Variants in TTBK2 observed in about 807,000 individuals in gnomAD.
The protein encoded by TTBK2 is tau tubulin kinase 2.
Under a neutral mutation model 110.8 loss-of-function variants are expected in TTBK2, and 28 were observed. The ratio of observed to expected loss-of-function variants is 0.25; its 90% CI spans 0.19 to 0.35. The LOEUF (loss-of-function observed/expected upper bound fraction) is 0.35, where lower values mean the gene tolerates loss of function less well. TTBK2 is among the 10% of genes least tolerant of loss of function. The pLI is 1.00. For synonymous variants in TTBK2, 532 were observed against 527.3 expected (o/e 1.01, Z -0.12); for missense variants, 1,369 against 1,500.3 (o/e 0.91, Z 1.45).
At chr15:42,849,919 G>C (rs899968486) in intron 3 of TTBK2, among the ~76,000 whole-genome samples, 2 of 152,044 alleles carry the variant, frequency 1.3e-5, no homozygotes, top group African/African-American at 4.8e-5. Context: ...TTTCACTGGG[G>C]CTCCCCTTTT....
intron 13 of TTBK2, among the ~76,000 whole-genome samples, chr15:42,755,579 C>A (rs959159294): frequency 1.3e-5 from 2 of 152,184 alleles, no homozygotes; most frequent in Non-Finnish European, 2.9e-5. Context: ...TCAGGCTAAT[C>A]CAAGACAGGC....
intron 9 of TTBK2, chr15:42,801,802 T>C: frequency 1.2e-6 from 1 of 832,720 alleles, no homozygotes; most frequent in Middle Eastern, 2.2e-4. Flanking sequence ...CTTGTTCATG[T>C]AAGCTTCATC....
At chr15:42,909,033 C>T (rs2030587579) in intron 1 of TTBK2, among the ~76,000 whole-genome samples, 1 of 152,202 alleles carries the variant, frequency 6.6e-6, no homozygotes, top group Non-Finnish European at 1.5e-5. Flanking sequence ...GTCTGTGCTT[C>T]TACTGGGCTA....
intron 9 of TTBK2, chr15:42,800,195 T>C (rs1891125136): frequency 2.5e-6 from 1 of 407,900 alleles, no homozygotes; most frequent in South Asian, 1.8e-5. Flanking sequence ...TTCTAAAACT[T>C]TTATAATGAC....
intron 1 of TTBK2, among the ~76,000 whole-genome samples, chr15:42,891,731 G>A (rs1895464691): frequency 6.6e-6 from 1 of 152,044 alleles, no homozygotes; most frequent in East Asian, 1.9e-4. Context: ...TTTAAGTATA[G>A]CACTTTCATG....
chr15:42,912,441 T>C (rs1237702065), intron 1 of TTBK2, among the ~76,000 whole-genome samples: 4 of 152,236 alleles, frequency 2.6e-5, no homozygotes, highest in Non-Finnish European at 5.9e-5. Context: ...GCCTGATGGC[T>C]CACACATGTA....
intron 13 of TTBK2, among the ~76,000 whole-genome samples, chr15:42,774,836 T>C (rs1595896402): frequency 2.6e-5 from 4 of 152,314 alleles, no homozygotes; most frequent in Admixed American, 2.6e-4. Flanking sequence ...CTTCAAAAAA[T>C]TGTAACATAT....
intron 9 of TTBK2, among the ~76,000 whole-genome samples, chr15:42,807,386 A>T (rs1252911225): frequency 6.6e-6 from 1 of 152,072 alleles, no homozygotes; most frequent in Admixed American, 6.6e-5. Flanking sequence ...TATTTGTGTT[A>T]CCAGGATCAC....
chr15:42,819,757 AAG>A (rs1188756219), intron 6 of TTBK2, among the ~76,000 whole-genome samples: 2 of 152,228 alleles, frequency 1.3e-5, no homozygotes, highest in Admixed American at 1.3e-4. Context: ...AAAATTGTCT[AAG>A]AGAATATATG....
intron 1 of TTBK2, among the ~76,000 whole-genome samples, chr15:42,918,346 C>A (rs1025107819): frequency 1.3e-5 from 2 of 152,006 alleles, no homozygotes; most frequent in Admixed American, 6.6e-5. Flanking sequence ...GGATTACAGG[C>A]ATGAGGTTTT....
intron 1 of TTBK2, among the ~76,000 whole-genome samples, chr15:42,895,165 G>A (rs1252393969): frequency 2.0e-5 from 3 of 152,118 alleles, no homozygotes; most frequent in African/African-American, 7.2e-5. Context: ...TAAATAAGCT[G>A]ACTCTAAAAT....
At chr15:42,833,416 A>G (rs969374924) in intron 4 of TTBK2, among the ~76,000 whole-genome samples, 3 of 152,200 alleles carry the variant, frequency 2.0e-5, no homozygotes, top group African/African-American at 7.2e-5. Context: ...TAATATAATG[A>G]ACCTTCATGT....
chr15:42,875,905 CAAA>C (rs57982301), intron 2 of TTBK2, among the ~76,000 whole-genome samples: 3 of 56,882 alleles, frequency 5.3e-5, no homozygotes, highest in Admixed American at 2.3e-4. Context: ...GACTCCGTCT[CAAA>C]AAAAAAAAAA....
intron 6 of TTBK2, among the ~76,000 whole-genome samples, chr15:42,817,866 A>G (rs949535178): frequency 2.0e-5 from 3 of 152,108 alleles, no homozygotes; most frequent in African/African-American, 7.2e-5. Context: ...AATCCCTCCA[A>G]TGGCTAGCTC....
At chr15:42,784,216 T>C (rs952152181) in intron 10 of TTBK2, among the ~76,000 whole-genome samples, 3 of 152,234 alleles carry the variant, frequency 2.0e-5, no homozygotes, top group Non-Finnish European at 4.4e-5. Context: ...AATTTGACAA[T>C]CACTTTAAAA....
intron 9 of TTBK2, among the ~76,000 whole-genome samples, chr15:42,795,539 T>C (rs1890899053): frequency 6.6e-6 from 1 of 152,168 alleles, no homozygotes; most frequent in Non-Finnish European, 1.5e-5. Flanking sequence ...GTTACTATCC[T>C]ATCCTCTGAG....
In TTBK2 at chr15:42,742,674, T is replaced by C. The variant is rs1419935420; in HGVS notation, c.*3121A>G. ...TGACTGACTAGGTAACCAGCTATTCTGTTGTGACAGAAGAAACCAGGTAAT... is the reference window on the plus strand; with the variant it reads ...TGACTGACTAGGTAACCAGCTATTCCGTTGTGACAGAAGAAACCAGGTAAT... On this transcript the variant is annotated 3_prime_UTR_variant, in exon 15 of 15. Coordinates refer to ENST00000267890, the MANE Select transcript of TTBK2 (RefSeq NM_173500.4). The C allele has an allele frequency of 3.3e-5, 5 of 152,224 alleles. No individual in the cohort carries two copies. The highest frequency in any genetic ancestry group is 5.9e-5 in the Non-Finnish European group (4 of 68,040). 9.4% of individuals were successfully genotyped at this position (152,224 alleles called of 1,614,324 possible). A position where few individuals can be genotyped will look rare whatever the true frequency, so the allele number is the denominator to read the frequency against.
Position 42,878,679 on chromosome 15 carries a change from T to C in TTBK2, c.-62A>G. On this transcript the variant is annotated 5_prime_UTR_variant, in exon 2 of 15. An upstream start codon of the reference 5' UTR is lost. Coordinates refer to ENST00000267890, the MANE Select transcript of TTBK2 (RefSeq NM_173500.4). Reference sequence around the variant, plus strand: ...ATCCAGTTCCCAAGGGTGGTTTCCATTTAACCTAAAACAACAACAACAAAA... The same window carrying C: ...ATCCAGTTCCCAAGGGTGGTTTCCACTTAACCTAAAACAACAACAACAAAA... 6.2e-7 allele frequency: 1 copy of C among 1,612,752 alleles called. No homozygotes were observed. Among genetic ancestry groups the C allele is most frequent in the Non-Finnish European group, 8.5e-7 (1 of 1,179,550 alleles).
chr15:42,826,426 C>T (rs74536015), intron 6 of TTBK2, among the ~76,000 whole-genome samples: 6,681 of 152,180 alleles, frequency 0.044, 200 homozygotes, highest in Non-Finnish European at 0.061. Flanking sequence ...CAATGCCTTA[C>T]GGTTTTATTG....
Sources: gnomAD v4.1 joint callset for allele counts (sites outside exome capture counted in the v4.1 genomes callset) on GRCh38, gnomAD v4.1.1 for gene constraint, MANE v1.5 for transcripts, NCBI Gene and HGNC (gene_info 2026-07-23, HGNC 2026-07-21) for gene names.